SNX31: variants seen among roughly 807,000 people sequenced by gnomAD.
SNX31 encodes sorting nexin 31, also known as sorting nexin-31.
SNX31 carries 58 observed loss-of-function variants against 65.4 expected under a neutral mutation model. The observed-to-expected ratio is 0.89, with a 90% CI of 0.72 to 1.10. SNX31 has a LOEUF of 1.10. Ranked by LOEUF, SNX31 falls within the 50% of genes least tolerant of loss-of-function variation. The pLI is 0.00. For synonymous variants in SNX31, 181 were observed against 190.1 expected (o/e 0.95, Z 0.39); for missense variants, 523 against 529.7 (o/e 0.99, Z 0.12).
intron 2 of SNX31, among the ~76,000 whole-genome samples, chr8:100,647,122 A>G (rs1819695132): frequency 6.6e-6 from 1 of 152,232 alleles, no homozygotes; most frequent in South Asian, 2.1e-4. Flanking sequence ...ATAGCCATCT[A>G]AGATCTAAAT....
chr8:100,633,413 A>T (rs186225590), intron 3 of SNX31, among the ~76,000 whole-genome samples: 4 of 151,126 alleles, frequency 2.6e-5, no homozygotes, highest in African/African-American at 4.9e-5. Context: ...TTATTTATTT[A>T]TTTTTTTGAG....
intron 8 of SNX31, among the ~76,000 whole-genome samples, chr8:100,606,040 A>ATT (rs374056086): frequency 6.8e-5 from 10 of 146,862 alleles, no homozygotes; most frequent in African/African-American, 2.2e-4. Flanking sequence ...ACTGAACATG[A>ATT]TTTTTTTTTT....
intron 5 of SNX31, among the ~76,000 whole-genome samples, chr8:100,615,298 G>C (rs1273295707): frequency 6.6e-6 from 1 of 152,158 alleles, no homozygotes; most frequent in East Asian, 1.9e-4. Context: ...TGGTACCACA[G>C]AACCCTGGAG....
upstream of SNX31, among the ~76,000 whole-genome samples, chr8:100,652,463 G>A (rs1356946963): frequency 6.6e-6 from 1 of 152,114 alleles, no homozygotes; most frequent in East Asian, 1.9e-4. Flanking sequence ...TATGAGCCAG[G>A]CGCTGCAGTG....
At chr8:100,642,486 A>T (rs771352773) in intron 2 of SNX31, among the ~76,000 whole-genome samples, 4 of 152,238 alleles carry the variant, frequency 2.6e-5, no homozygotes, top group Admixed American at 6.5e-5. Flanking sequence ...ACAAGGATTA[A>T]GGTTCTAATA....
At chr8:100,581,254 G>GCAT (rs1813477102) in intron 12 of SNX31, among the ~76,000 whole-genome samples, 1 of 149,550 alleles carries the variant, frequency 6.7e-6, no homozygotes, top group South Asian at 2.1e-4. Flanking sequence ...AGACATGATT[G>GCAT]CACCACTGCA....
upstream of SNX31, among the ~76,000 whole-genome samples, chr8:100,654,458 T>C (rs1820025821): frequency 6.6e-6 from 1 of 152,212 alleles, no homozygotes; most frequent in Non-Finnish European, 1.5e-5. Flanking sequence ...TTGCTCCTAA[T>C]CACTTCTCCA....
At chr8:100,643,613 C>T (rs1037473559) in intron 2 of SNX31, among the ~76,000 whole-genome samples, 1 of 152,086 alleles carries the variant, frequency 6.6e-6, no homozygotes, top group Non-Finnish European at 1.5e-5. Context: ...CACCATGAAC[C>T]TTGAGCGGGA....
In SNX31 at chr8:100,596,746, A is replaced by G. The variant is rs914607649; in HGVS notation, c.871T>C (p.Ser291Pro). Residue 291 changes from serine (S) to proline (P), a missense_variant, in exon 10 of 14, where the codon TCT becomes CCT. Transcript: ENST00000311812. ...CAGCTGATCTCATTATTGCCAACAGAAAGAACAGCTCCAGAGCCTGATTCT... is the reference window on the plus strand; with the variant it reads ...CAGCTGATCTCATTATTGCCAACAGGAAGAACAGCTCCAGAGCCTGATTCT... ...YPESGSGAVL[S>P]VGNNEISCCI... 1 of 1,614,176 alleles carries G rather than the reference A, an allele frequency of 6.2e-7. No individual in the cohort carries two copies. The highest frequency in any genetic ancestry group is 1.7e-5 in the Admixed American group (1 of 60,028).
At chr8:100,642,794 A>G (rs12550581) in intron 2 of SNX31, among the ~76,000 whole-genome samples, 71,842 of 152,054 alleles carry the variant, frequency 0.47, 17,205 homozygotes, top group South Asian at 0.53. Context: ...AAAGAGATCA[A>G]AAGGAAAACA....
At chr8:100,661,365 G>T (rs1809784928) in intron 1 of SNX31, among the ~76,000 whole-genome samples, 1 of 150,354 alleles carries the variant, frequency 6.7e-6, no homozygotes, top group Non-Finnish European at 1.5e-5. Flanking sequence ...GCCCAGAGAG[G>T]TTCAGAGGAT....
At chr8:100,641,565 A>ATATATATATAT (rs1310228144) in intron 2 of SNX31, among the ~76,000 whole-genome samples, 1 of 32,110 alleles carries the variant, frequency 3.1e-5, no homozygotes, top group Non-Finnish European at 5.3e-5. Flanking sequence ...AAAAAAAAAA[A>ATATATATATAT]ATATATATAT....
chr8:100,593,094 A>G (rs746223070), intron 10 of SNX31, among the ~76,000 whole-genome samples: 9 of 152,218 alleles, frequency 5.9e-5, no homozygotes, highest in Non-Finnish European at 1.2e-4. Context: ...GTGTTCTAAA[A>G]TTGATTGTGG....
chr8:100,617,732 T>C lies in SNX31; in HGVS notation c.322-2A>G. 6.3e-7 allele frequency: 1 copy of C among 1,592,890 alleles called. No homozygotes were observed. Among genetic ancestry groups the C allele is most frequent in the Non-Finnish European group, 8.5e-7 (1 of 1,170,744 alleles). ...CTTGGTGGCGATGTCAAATGTATTC[T>C]ATAAGCAAAAGAAAAGCAAAATAAA... On this transcript the variant is annotated splice_acceptor_variant, in intron 4 of 13. Transcript: ENST00000311812. LOFTEE classifies it high-confidence loss of function.
At chr8:100,633,561 G>C (rs1045667595) in intron 3 of SNX31, among the ~76,000 whole-genome samples, 1 of 152,052 alleles carries the variant, frequency 6.6e-6, no homozygotes, top group African/African-American at 2.4e-5. Flanking sequence ...GTGCCACCAT[G>C]GTCAGCTAAT....
rs150894715 is a variant in SNX31 at position 100,605,108 on chromosome 8, A to G, written c.681+3386T>C. 3.9e-3 allele frequency among the ~76,000 whole-genome samples: 594 copies of G among 152,188 alleles called. 2 individuals are homozygous for G. The highest frequency in any genetic ancestry group is 6.0e-3 in the Non-Finnish European group (410 of 68,028). On this transcript the variant is annotated intron_variant, in intron 8 of 13. Transcript: ENST00000311812. ...GAGATGGAGTTTCACCATGTTAACC[A>G]GGCTGGTCTTGAACTCCTGACCTCA... is the stretch of plus-strand genomic sequence containing the variant.
chr8:100,584,976 C>T (rs1813907340), intron 11 of SNX31, among the ~76,000 whole-genome samples: 2 of 151,944 alleles, frequency 1.3e-5, no homozygotes, highest in African/African-American at 4.8e-5. Flanking sequence ...CCACCCGCCT[C>T]GCCTCCCAAA....
At chr8:100,589,041 G>C (rs908927869) in intron 10 of SNX31, 62 bp from the exon 11 acceptor site, 3 of 1,332,516 alleles carry the variant, frequency 2.3e-6, no homozygotes, top group Non-Finnish European at 3.2e-6. Flanking sequence ...TGCCGGGCAC[G>C]GTGGCTCACA....
chr8:100,577,057 G>C lies in SNX31; in HGVS notation c.1189C>G (p.Gln397Glu). The C allele has an allele frequency of 6.2e-7, 1 of 1,613,554 alleles. No individual in the cohort carries two copies. The highest frequency in any genetic ancestry group is 8.5e-7 in the Non-Finnish European group (1 of 1,179,864). Residue 397 changes from glutamine to glutamate, a missense_variant, in exon 13 of 14, where the codon CAA becomes GAA. By Grantham distance (29) the Gln-to-Glu change is conservative. Transcript: ENST00000311812. ...ATGTGGTATTTTTTACTTTTGCTTT[G>C]TTCCGGAACTTCAATCTGCTAGATA... ...NTEMQIEVPE[Q>E]SKSKKYHIQQ...
Sources: allele counts gnomAD v4.1 joint callset (sites outside exome capture counted in the v4.1 genomes callset), GRCh38; gene constraint gnomAD v4.1.1; transcripts MANE v1.5; gene names NCBI Gene and HGNC (gene_info 2026-07-23, HGNC 2026-07-21).